Variants in TRPV6 observed in about 807,000 individuals in gnomAD.
TRPV6 encodes transient receptor potential cation channel subfamily V member 6, also known as Alu-binding protein with zinc finger domain.
In TRPV6, 39 loss-of-function variants were observed where a neutral mutation model predicts 79.0. The ratio of observed to expected loss-of-function variants is 0.49; its 90% CI spans 0.38 to 0.64. The LOEUF (loss-of-function observed/expected upper bound fraction) is 0.64, where lower values mean the gene tolerates loss of function less well. Ranked by LOEUF, TRPV6 falls within the 30% of genes least tolerant of loss-of-function variation. The pLI, the probability that TRPV6 is intolerant of heterozygous loss-of-function variation, is 0.00. For missense variants in TRPV6, 813 were observed against 1,011.1 expected (o/e 0.80, Z 2.66); for synonymous variants, 373 against 391.9 (o/e 0.95, Z 0.57).
intron 1 of TRPV6, chr7:142,879,965 C>T (rs187202711): frequency 2.6e-5 from 4 of 152,384 alleles, no homozygotes; most frequent in Admixed American, 6.5e-5. Flanking sequence ...CCCAGCCCGC[C>T]AATTGTTCAT....
Position 142,872,385 on chromosome 7 carries a change from G to A in TRPV6, c.2002C>T (p.Arg668Cys), listed in dbSNP as rs139273389. 263 of 1,614,164 alleles carry A rather than the reference G, an allele frequency of 1.6e-4. 4 individuals carry two copies. In the South Asian group the frequency reaches 2.1e-3, roughly 13 times the overall value. ...CATATCACTCACCGCAGGAACCAGC[G>A]GTCTCCCAGGCCATACTCCCGTCCG... The change falls in exon 14 of 15, where the codon CGC (arginine) becomes TGC (cysteine). Residue 668 changes from arginine to cysteine, a missense_variant. Physicochemically the swap from Arg to Cys is radical, Grantham distance 180. Coordinates refer to ENST00000359396, the MANE Select transcript of TRPV6 (RefSeq NM_018646.6).
intron 1 of TRPV6, chr7:142,878,783 T>G (rs1795135613): frequency 6.6e-6 from 1 of 152,280 alleles, no homozygotes; most frequent in Non-Finnish European, 1.5e-5. Flanking sequence ...CTTCTTAAAG[T>G]GGACCCCTGG....
chr7:142,874,677 G>A, intron 10 of TRPV6, 21 bp from the exon 11 acceptor site: 2 of 1,607,920 alleles, frequency 1.2e-6, no homozygotes, highest in Non-Finnish European at 1.7e-6. Flanking sequence ...AGGGAGGAGG[G>A]TGATGAGGGG....
intron 13 of TRPV6, 151 bp from the exon 14 acceptor site, chr7:142,872,629 C>T (rs779279151): frequency 4.2e-5 from 33 of 779,150 alleles, no homozygotes; most frequent in African/African-American, 2.2e-4. Context: ...ACATCCATGA[C>T]GCAGCCAGGC....
In TRPV6 at chr7:142,885,573, T is replaced by C; in HGVS notation, c.64A>G (p.Ser22Gly). ...GGCCGAGGCCAGACCCTGACGGGAC[T>C]CAGCCTTGGGGCCACATCAGCCCCC... The change falls in exon 1 of 15, where the codon AGT becomes GGT. Residue 22 changes from serine to glycine, a missense_variant. By Grantham distance (56) the Ser-to-Gly change is moderately conservative. Transcript: ENST00000359396. 1 of 1,541,592 alleles carries C rather than the reference T, an allele frequency of 6.5e-7. No individual in the cohort carries two copies. Among genetic ancestry groups the C allele is most frequent in the Non-Finnish European group, 8.8e-7 (1 of 1,142,608 alleles).
chr7:142,874,194 C>T (rs1485542084), intron 11 of TRPV6, 52 bp from the exon 12 acceptor site: 4 of 1,574,408 alleles, frequency 2.5e-6, no homozygotes, highest in Non-Finnish European at 3.5e-6. Flanking sequence ...CAAGCAATTG[C>T]CCCATCCAGC....
intron 1 of TRPV6, chr7:142,882,682 C>T (rs557650360): frequency 1.3e-5 from 2 of 152,250 alleles, no homozygotes; most frequent in East Asian, 3.9e-4. Flanking sequence ...TGCCACAGCT[C>T]CTTTTGTGCA....
Position 142,874,590 on chromosome 7 carries a change from C to T in TRPV6, c.1473G>A (p.Val491=), listed in dbSNP as rs1332509531. Residue 491 remains valine, a synonymous_variant, in exon 11 of 15, where the codon GTG becomes GTA. Coordinates refer to ENST00000359396, the MANE Select transcript of TRPV6 (RefSeq NM_018646.6). ...GCACGAGTGCAAAGGACATGGGTACCACCTCCCCGCTGGCACTGATGAGCC... is the reference window on the plus strand; with the variant it reads ...GCACGAGTGCAAAGGACATGGGTACTACCTCCCCGCTGGCACTGATGAGCC... 1 of 1,614,074 alleles carries T rather than the reference C, an allele frequency of 6.2e-7. No homozygotes were observed. The highest frequency in any genetic ancestry group is 1.7e-5 in the Admixed American group (1 of 60,010).
At chr7:142,880,418 C>T (rs1795168966) in intron 1 of TRPV6, 2 of 152,138 alleles carry the variant, frequency 1.3e-5, no homozygotes, top group Non-Finnish European at 2.9e-5. Context: ...TAAGGGTACT[C>T]GAGGGAAGAG....
Position 142,875,644 on chromosome 7 carries a change from G to A in TRPV6, c.1066C>T (p.Leu356=), listed in dbSNP as rs184806167. 6.2e-7 allele frequency: 1 copy of A among 1,613,836 alleles called. No individual in the cohort carries two copies. Among genetic ancestry groups the A allele is most frequent in the East Asian group, 2.2e-5 (1 of 44,868 alleles). ...TACCGCTTCCACTTGAGGCTCACCA[G>A]CTCCTTCACCGGCGTCTGGTCCAGG... Residue 356 remains leucine, a synonymous_variant, in exon 8 of 15, where the codon CTG becomes TTG. Coordinates refer to ENST00000359396, the MANE Select transcript of TRPV6 (RefSeq NM_018646.6).
At position 142,873,951 on chromosome 7, in the gene TRPV6, C is replaced by A; in HGVS notation, c.1639+125G>T. The stretch of plus-strand genomic sequence containing the variant: ...TCACCTCTGGAGGACGTCCCATCCT[C>A]TGATACCATAGGTCTCCTCTGATCT... On this transcript the variant is annotated intron_variant, in intron 12 of 14. Transcript: ENST00000359396. This position sits in a 1 kb window ranked among gnomAD's most constrained non-coding sequence, Gnocchi z 4.8. 1 of 1,218,378 alleles carries A rather than the reference C, an allele frequency of 8.2e-7. No individual in the cohort carries two copies. Among genetic ancestry groups the A allele is most frequent in the Middle Eastern group, 2.2e-4 (1 of 4,520 alleles). The allele number at this position is 1,218,378 out of a possible 1,614,324, so 75.5% of individuals were successfully genotyped here.
chr7:142,874,709 A>T lies in TRPV6; in HGVS notation c.1407-53T>A, dbSNP rs1457690144. On this transcript the variant is annotated intron_variant, in intron 10 of 14. Transcript: ENST00000359396. ...GGGGAGGGCTGGGATGATCCTGGGGACCTGACAGCAAGAATGTAGCTGGGA... is the reference window on the plus strand; with the variant it reads ...GGGGAGGGCTGGGATGATCCTGGGGTCCTGACAGCAAGAATGTAGCTGGGA... 6.9e-6 allele frequency: 11 copies of T among 1,587,686 alleles called. No individual in the cohort carries two copies. In the Admixed American group the frequency reaches 1.2e-4, roughly 18 times the overall value.
chr7:142,872,132 T>A, intron 14 of TRPV6, 143 bp from the exon 15 acceptor site: 1 of 1,249,974 alleles, frequency 8.0e-7, no homozygotes, highest in Non-Finnish European at 1.1e-6. Flanking sequence ...GATGCCTGGG[T>A]CACTGGCCCC....
chr7:142,875,036 C>T, intron 9 of TRPV6, 42 bp downstream of exon 9: 1 of 1,614,144 alleles, frequency 6.2e-7, no homozygotes, highest in Non-Finnish European at 8.5e-7. Flanking sequence ...GGGCTGGATT[C>T]CTCGGGCAGA....
In TRPV6 at chr7:142,876,420, C is replaced by A. The variant is rs778441354; in HGVS notation, c.870G>T (p.Glu290Asp). The change falls in exon 6 of 15, where the codon GAG becomes GAT. Residue 290 changes from glutamate to aspartate, a missense_variant. Around this residue, in one of 3 missense-constraint regions of TRPV6, gnomAD observed 555 missense variants for 631.0 expected, o/e 0.88. Coordinates refer to ENST00000359396, the MANE Select transcript of TRPV6 (RefSeq NM_018646.6). ...GACCGTCTCTCACCACAGTGTTACC[C>A]TCCACTCCAGCCAGCTTGAAAGGGG... 3 of 1,613,638 alleles carry A rather than the reference C, an allele frequency of 1.9e-6. No homozygotes were observed. The highest frequency in any genetic ancestry group is 1.7e-5 in the Admixed American group (1 of 59,956).
intron 13 of TRPV6, among the ~76,000 whole-genome samples, 160 bp from the exon 14 acceptor site, chr7:142,872,638 G>A (rs1794967940): frequency 6.6e-6 from 1 of 152,150 alleles, no homozygotes; most frequent in Non-Finnish European, 1.5e-5. Flanking sequence ...ACGCAGCCAG[G>A]CCAGAGGCAG....
rs1179482448 is a variant in TRPV6 at position 142,879,714 on chromosome 7, C to T, written c.249-1688G>A. ...TCTCTCTTCATTCAGTCCCTACCTC[C>T]TTGCTCCTGCTAACCCTCATTAATT... On this transcript the variant is annotated intron_variant, in intron 1 of 14. Coordinates refer to ENST00000359396, the MANE Select transcript of TRPV6 (RefSeq NM_018646.6). 5 of 152,414 alleles carry T rather than the reference C, an allele frequency of 3.3e-5. No homozygotes were observed. In the East Asian group the frequency reaches 9.6e-4, roughly 29 times the overall value. The allele number at this position is 152,414 out of a possible 1,614,324, so 9.4% of individuals were successfully genotyped here. A position where few individuals can be genotyped will look rare whatever the true frequency, so the allele number is the denominator to read the frequency against.
chr7:142,872,165 C>T (rs914959269), intron 14 of TRPV6, among the ~76,000 whole-genome samples, 176 bp from the exon 15 acceptor site: 3 of 152,248 alleles, frequency 2.0e-5, no homozygotes, highest in African/African-American at 7.2e-5. Context: ...CCTCAGAAAG[C>T]AGCAGGCTCT....
chr7:142,883,102 AAC>A (rs1287986235), intron 1 of TRPV6: 2 of 152,228 alleles, frequency 1.3e-5, no homozygotes, highest in Non-Finnish European at 2.9e-5. Context: ...TGAGAGCAGG[AAC>A]AGTGTCATAT....
Sources: gnomAD v4.1 joint callset for allele counts (sites outside exome capture counted in the v4.1 genomes callset) on GRCh38, gnomAD v4.1.1 for gene constraint, gnomAD v4.1.1 regional missense constraint, Gnocchi (gnomAD v3.1) non-coding constraint, MANE v1.5 for transcripts, NCBI Gene and HGNC (gene_info 2026-07-23, HGNC 2026-07-21) for gene names.